Variants in LRMDA observed in about 807,000 individuals in gnomAD.
LRMDA encodes the protein leucine-rich melanocyte differentiation-associated protein.
In LRMDA, 18 loss-of-function variants were observed where a neutral mutation model predicts 29.8. The observed-to-expected ratio is 0.60, with a 90% confidence interval of 0.42 to 0.90. The LOEUF (loss-of-function observed/expected upper bound fraction) is 0.90, where lower values mean the gene tolerates loss of function less well. LRMDA is among the 40% of genes least tolerant of loss of function. The probability of loss-of-function intolerance (pLI) is 0.00; values close to 1 mark genes in which losing one functional copy is unlikely to be tolerated. For missense variants in LRMDA, 273 were observed against 273.9 expected (o/e 1.00, Z 0.02); for synonymous variants, 125 against 109.4 (o/e 1.14, Z -0.89).
intron 5 of LRMDA, among the ~76,000 whole-genome samples, chr10:76,155,395 G>A (rs1359692469): frequency 6.6e-6 from 1 of 152,124 alleles, no homozygotes; most frequent in Non-Finnish European, 1.5e-5. Context: ...CAGAGGAGTT[G>A]CTTCTACAAC....
At chr10:76,325,248 T>G (rs1165301759) in intron 6 of LRMDA, among the ~76,000 whole-genome samples, 1 of 152,102 alleles carries the variant, frequency 6.6e-6, no homozygotes, top group Non-Finnish European at 1.5e-5. Context: ...GCTCAGAAAG[T>G]AGTGAATCTG....
intron 2 of LRMDA, among the ~76,000 whole-genome samples, chr10:75,734,328 C>A (rs1842734627): frequency 6.6e-6 from 1 of 152,108 alleles, no homozygotes; most frequent in Non-Finnish European, 1.5e-5. Flanking sequence ...ACCGGAGCCA[C>A]CATTTAGGAA....
At chr10:75,615,321 G>C (rs1464070596) in intron 2 of LRMDA, among the ~76,000 whole-genome samples, 2 of 152,154 alleles carry the variant, frequency 1.3e-5, no homozygotes, top group Non-Finnish European at 2.9e-5. Context: ...CTTGGGACCA[G>C]AAGTGTTTTT....
chr10:75,778,189 T>C (rs528167289), intron 2 of LRMDA, among the ~76,000 whole-genome samples: 19 of 152,284 alleles, frequency 1.2e-4, no homozygotes, highest in Non-Finnish European at 2.4e-4. Flanking sequence ...GTGATTCTCC[T>C]GCCTCAGCCC....
chr10:76,246,301 G>A (rs1852375705), intron 5 of LRMDA, among the ~76,000 whole-genome samples: 1 of 152,164 alleles, frequency 6.6e-6, no homozygotes, highest in Non-Finnish European at 1.5e-5. Flanking sequence ...AAGCCTGTAT[G>A]GAAATAGCCT....
intron 2 of LRMDA, among the ~76,000 whole-genome samples, chr10:75,507,087 G>A (rs1845176069): frequency 6.6e-6 from 1 of 151,356 alleles, no homozygotes; most frequent in South Asian, 2.1e-4. Flanking sequence ...GCTCAGCAGT[G>A]TACAAGCCTT....
chr10:76,357,802 G>A (rs1338842714), intron 6 of LRMDA, among the ~76,000 whole-genome samples: 1 of 152,182 alleles, frequency 6.6e-6, no homozygotes, highest in African/African-American at 2.4e-5. Flanking sequence ...CTTTAGGAAG[G>A]CTGTGAGCAA....
At chr10:76,302,849 A>T (rs1840498832) in intron 5 of LRMDA, among the ~76,000 whole-genome samples, 1 of 152,198 alleles carries the variant, frequency 6.6e-6, no homozygotes, top group Admixed American at 6.5e-5. Context: ...GTTTCCATGT[A>T]ATACCTTTAT....
intron 2 of LRMDA, among the ~76,000 whole-genome samples, chr10:75,861,210 G>C (rs1844923893): frequency 6.6e-6 from 1 of 152,222 alleles, no homozygotes; most frequent in Non-Finnish European, 1.5e-5. Context: ...AGGTGGATTG[G>C]AATCAGCAAA....
intron 5 of LRMDA, among the ~76,000 whole-genome samples, chr10:76,192,488 A>G (rs976538155): frequency 1.3e-5 from 2 of 152,192 alleles, no homozygotes; most frequent in African/African-American, 4.8e-5. Context: ...GCATCTTAAG[A>G]TCAGCCCTGG....
intron 6 of LRMDA, among the ~76,000 whole-genome samples, chr10:76,452,932 C>T (rs1188377185): frequency 6.6e-6 from 1 of 152,158 alleles, no homozygotes; most frequent in Non-Finnish European, 1.5e-5. Context: ...CTCTACTGGA[C>T]AGTAAACTTT....
At chr10:75,682,358 G>A (rs1003506158) in intron 2 of LRMDA, among the ~76,000 whole-genome samples, 2 of 152,102 alleles carry the variant, frequency 1.3e-5, no homozygotes, top group African/African-American at 4.8e-5. Flanking sequence ...AATAAAAGCA[G>A]GAATGCATGA....
At chr10:75,637,271 G>T (rs1841400580) in intron 2 of LRMDA, among the ~76,000 whole-genome samples, 1 of 152,240 alleles carries the variant, frequency 6.6e-6, no homozygotes, top group African/African-American at 2.4e-5. Flanking sequence ...GTCCAGGTCT[G>T]TGCCTTGTCC....
intron 2 of LRMDA, among the ~76,000 whole-genome samples, chr10:75,888,124 CGTT>C (rs1340628871): frequency 3.3e-5 from 5 of 152,168 alleles, no homozygotes; most frequent in Admixed American, 1.3e-4. Flanking sequence ...CTCCTGTAAT[CGTT>C]GTCCAACAGC....
rs537022329 is a variant in LRMDA, at chr10:76,501,681, C to T, written c.602-55528C>T. Among the ~76,000 whole-genome samples, 3 of 151,856 alleles carry T rather than the reference C, an allele frequency of 2.0e-5. 1 individual carries two copies. The South Asian group carries it at 6.2e-4, about 32-fold the overall frequency. Reference sequence around the variant, plus strand: ...TCTTTTGAGATGTGTCTGTTCATGTCCTTTTCCCATTTTTGATGGGATTAT... The same window carrying T: ...TCTTTTGAGATGTGTCTGTTCATGTTCTTTTCCCATTTTTGATGGGATTAT... On this transcript the variant is annotated intron_variant, in intron 6 of 6. Coordinates refer to ENST00000611255, the MANE Select transcript of LRMDA (RefSeq NM_001305581.2).
intron 6 of LRMDA, among the ~76,000 whole-genome samples, chr10:76,546,629 C>T (rs1843424331): frequency 6.6e-6 from 1 of 152,100 alleles, no homozygotes; most frequent in Admixed American, 6.5e-5. Context: ...ACACCTGGAC[C>T]CAGCTCTGGT....
chr10:75,723,931 A>G (rs781242981), intron 2 of LRMDA, among the ~76,000 whole-genome samples: 1 of 152,152 alleles, frequency 6.6e-6, no homozygotes, highest in Non-Finnish European at 1.5e-5. Flanking sequence ...AACATGACAC[A>G]CCAGCAATTT....
intron 2 of LRMDA, among the ~76,000 whole-genome samples, chr10:75,549,599 G>T (rs1840118275): frequency 6.6e-6 from 1 of 152,150 alleles, no homozygotes; most frequent in African/African-American, 2.4e-5. Context: ...GAGACTACAG[G>T]TACATGCCAC....
At chr10:76,281,148 G>T (rs1299240932) in intron 5 of LRMDA, among the ~76,000 whole-genome samples, 1 of 152,160 alleles carries the variant, frequency 6.6e-6, no homozygotes, top group East Asian at 1.9e-4. Flanking sequence ...TGTGTAGAAG[G>T]AAGTGTCTTG....
Sources: allele counts gnomAD v4.1 joint callset (sites outside exome capture counted in the v4.1 genomes callset), GRCh38; gene constraint gnomAD v4.1.1; transcripts MANE v1.5; gene names NCBI Gene and HGNC (gene_info 2026-07-23, HGNC 2026-07-21).